Variants in CSNK1G3 observed in about 807,000 individuals in gnomAD.
CSNK1G3 encodes the protein casein kinase I isoform gamma-3.
CSNK1G3 carries 23 observed loss-of-function variants against 64.3 expected under a neutral mutation model. The observed-to-expected ratio is 0.36, with a 90% CI of 0.26 to 0.51. The LOEUF is 0.51. CSNK1G3 is among the 20% of genes least tolerant of loss of function. The pLI, the probability that CSNK1G3 is intolerant of heterozygous loss-of-function variation, is 0.96. For missense variants in CSNK1G3, 357 were observed against 510.5 expected (o/e 0.70, Z 2.90); for synonymous variants, 158 against 162.2 (o/e 0.97, Z 0.20).
chr5:123,578,828 G>A (rs1389323115), intron 6 of CSNK1G3, among the ~76,000 whole-genome samples: 1 of 151,714 alleles, frequency 6.6e-6, no homozygotes, highest in East Asian at 1.9e-4. Context: ...CTATGATATC[G>A]TATTCTTTCT....
intron 2 of CSNK1G3, among the ~76,000 whole-genome samples, chr5:123,548,490 G>GA (rs889807244): frequency 7.8e-6 from 1 of 128,986 alleles, no homozygotes; most frequent in African/African-American, 2.9e-5. Context: ...GCCATGAGAT[G>GA]AAAAAAAATG....
chr5:123,605,378 AG>A lies in CSNK1G3; in HGVS notation c.1217+18del. 2 of 1,609,604 alleles carry A rather than the reference AG, an allele frequency of 1.2e-6. No individual in the cohort carries two copies. Among genetic ancestry groups the A allele is most frequent in the Non-Finnish European group, 1.7e-6 (2 of 1,178,064 alleles). On this transcript the variant is annotated intron_variant, in intron 12 of 12. Transcript: ENST00000345990. ...TGAACATGTGGTGAGTCTCAAGTGT[AG>A]GCAGGCAGAAATAGCTCCATTGACT...
chr5:123,610,372 C>T (rs190690771), intron 12 of CSNK1G3, among the ~76,000 whole-genome samples: 2 of 152,222 alleles, frequency 1.3e-5, no homozygotes, highest in African/African-American at 2.4e-5. Context: ...TGGAGTCCTA[C>T]GTGGTTAGTT....
intron 2 of CSNK1G3, chr5:123,546,072 A>G: frequency 2.4e-6 from 1 of 423,182 alleles, no homozygotes. Context: ...CCAGATTATG[A>G]GAAAACAAAC....
intron 1 of CSNK1G3, among the ~76,000 whole-genome samples, chr5:123,535,165 C>T (rs1438748310): frequency 6.6e-6 from 1 of 152,152 alleles, no homozygotes; most frequent in Non-Finnish European, 1.5e-5. Flanking sequence ...AAGAGCACCA[C>T]ATATGGTCTC....
intron 1 of CSNK1G3, among the ~76,000 whole-genome samples, chr5:123,528,813 C>A (rs778080982): frequency 3.4e-4 from 51 of 152,226 alleles, no homozygotes; most frequent in African/African-American, 1.1e-3. Flanking sequence ...TTCATAGATT[C>A]CATATTTGTA....
chr5:123,600,672 T>C (rs1418233909), intron 10 of CSNK1G3, among the ~76,000 whole-genome samples: 1 of 151,856 alleles, frequency 6.6e-6, no homozygotes, highest in Non-Finnish European at 1.5e-5. Flanking sequence ...GTAGTATAAC[T>C]AATTTGTATG....
intron 3 of CSNK1G3, among the ~76,000 whole-genome samples, chr5:123,556,204 T>C (rs887571137): frequency 6.6e-6 from 1 of 152,110 alleles, no homozygotes; most frequent in Non-Finnish European, 1.5e-5. Flanking sequence ...GATTTTAATA[T>C]TGCTTATGTG....
chr5:123,615,589 A>G (rs1255949167), exon 13 of CSNK1G3: 2 of 132,270 alleles, frequency 1.5e-5, no homozygotes, highest in Non-Finnish European at 3.4e-5. Context: ...AAGTGCCTGC[A>G]TATGAACAAC....
At chr5:123,533,940 A>C (rs1011882205) in intron 1 of CSNK1G3, among the ~76,000 whole-genome samples, 1 of 151,238 alleles carries the variant, frequency 6.6e-6, no homozygotes, top group East Asian at 1.9e-4. Flanking sequence ...TTTCTGGGTA[A>C]ATGCTTTAGG....
At chr5:123,584,099 A>G (rs971899178) in intron 6 of CSNK1G3, among the ~76,000 whole-genome samples, 2 of 152,142 alleles carry the variant, frequency 1.3e-5, no homozygotes, top group Non-Finnish European at 2.9e-5. Flanking sequence ...TACATATACA[A>G]TCCTGTTGTC....
intron 4 of CSNK1G3, among the ~76,000 whole-genome samples, chr5:123,567,111 A>G (rs551397833): frequency 1.3e-5 from 2 of 152,282 alleles, no homozygotes; most frequent in South Asian, 2.1e-4. Context: ...TGTGCAGGCA[A>G]ACTCCCATTT....
chr5:123,604,707 A>C lies in CSNK1G3; in HGVS notation c.1087-17A>C. 1 of 1,497,252 alleles carries C rather than the reference A, an allele frequency of 6.7e-7. No individual in the cohort carries two copies. The highest frequency in any genetic ancestry group is 9.2e-7 in the Non-Finnish European group (1 of 1,086,488). The allele number at this position is 1,497,252 out of a possible 1,614,324, so 92.7% of individuals were successfully genotyped here. A position where few individuals can be genotyped will look rare whatever the true frequency, so the allele number is the denominator to read the frequency against. ...GTGTGTACATATACATATATAAAAA[A>C]TTTTTTTTTCAAACAGGTTGTAAGT... is the stretch of plus-strand genomic sequence containing the variant. On this transcript the variant is annotated splice_polypyrimidine_tract_variant and intron_variant, in intron 10 of 12. Transcript: ENST00000345990.
At chr5:123,571,539 C>G (rs867649144) in intron 4 of CSNK1G3, among the ~76,000 whole-genome samples, 1 of 152,238 alleles carries the variant, frequency 6.6e-6, no homozygotes, top group South Asian at 2.1e-4. Flanking sequence ...GATAAGTAAA[C>G]TGAGGCCCAC....
At chr5:123,613,232 A>G (rs1748792654) in intron 12 of CSNK1G3, among the ~76,000 whole-genome samples, 1 of 149,574 alleles carries the variant, frequency 6.7e-6, no homozygotes, top group Admixed American at 6.7e-5. Flanking sequence ...TTTTCAGTTC[A>G]TACCAGACCA....
At chr5:123,514,973 C>A (rs1173112603) in intron 1 of CSNK1G3, among the ~76,000 whole-genome samples, 1 of 151,942 alleles carries the variant, frequency 6.6e-6, no homozygotes, top group Non-Finnish European at 1.5e-5. Flanking sequence ...TTTAAGGAAA[C>A]AAGTTATAAT....
chr5:123,538,055 T>C (rs978875988), intron 1 of CSNK1G3, among the ~76,000 whole-genome samples: 3 of 152,220 alleles, frequency 2.0e-5, no homozygotes, highest in African/African-American at 7.2e-5. Context: ...TATATGACTA[T>C]ACCAATTTGT....
chr5:123,546,215 T>A (rs974461141), intron 2 of CSNK1G3, among the ~76,000 whole-genome samples: 2 of 152,296 alleles, frequency 1.3e-5, no homozygotes, highest in East Asian at 1.9e-4. Context: ...GGGGCATAGG[T>A]ATGGCTTAAA....
At chr5:123,562,264 T>C (rs1561525684) in intron 4 of CSNK1G3, among the ~76,000 whole-genome samples, 1 of 152,176 alleles carries the variant, frequency 6.6e-6, no homozygotes, top group South Asian at 2.1e-4. Context: ...TTATTTGATC[T>C]GATATTTTGA....
Sources: gnomAD v4.1 joint callset for allele counts (sites outside exome capture counted in the v4.1 genomes callset) on GRCh38, gnomAD v4.1.1 for gene constraint, MANE v1.5 for transcripts, NCBI Gene and HGNC (gene_info 2026-07-23, HGNC 2026-07-21) for gene names.